Variants in KLHDC2 observed in about 807,000 individuals in gnomAD.
KLHDC2 encodes the protein kelch domain-containing protein 2.
In KLHDC2, 38 loss-of-function variants were observed where a neutral mutation model predicts 62.3. The observed-to-expected ratio is 0.61, with a 90% CI of 0.47 to 0.80. The LOEUF (loss-of-function observed/expected upper bound fraction) is 0.80. Ranked by LOEUF, KLHDC2 falls within the 30% of genes least tolerant of loss-of-function variation. The pLI is 0.00. For missense variants in KLHDC2, 430 were observed against 495.3 expected (o/e 0.87, Z 1.25); for synonymous variants, 159 against 161.0 (o/e 0.99, Z 0.09).
chr14:49,776,315 A>G (rs902330839), intron 3 of KLHDC2, among the ~76,000 whole-genome samples: 1 of 152,156 alleles, frequency 6.6e-6, no homozygotes, highest in Non-Finnish European at 1.5e-5. Flanking sequence ...AAACAGTAGT[A>G]GTTTGTCGAG....
At position 49,784,871 on chromosome 14, in the gene KLHDC2, C is replaced by T. The variant is rs1890087092; in HGVS notation, c.*1918C>T. The T allele has an allele frequency of 2.0e-6, 3 of 1,500,242 alleles. No individual in the cohort carries two copies. The highest frequency in any genetic ancestry group is 2.8e-6 in the Non-Finnish European group (3 of 1,084,256). 92.9% of individuals were successfully genotyped at this position (1,500,242 alleles called of 1,614,324 possible). A position where few individuals can be genotyped will look rare whatever the true frequency, so the allele number is the denominator to read the frequency against. On this transcript the variant is annotated 3_prime_UTR_variant, in exon 13 of 13. Transcript: ENST00000298307. Reference sequence around the variant, plus strand: ...TACTAAAATAACAAAAAACTGCTAACATTTTAAATTGTACTGTCAGTCTCC... The same window carrying T: ...TACTAAAATAACAAAAAACTGCTAATATTTTAAATTGTACTGTCAGTCTCC...
intron 10 of KLHDC2, among the ~76,000 whole-genome samples, chr14:49,781,631 A>G (rs1004445497): frequency 6.6e-6 from 1 of 151,900 alleles, no homozygotes; most frequent in Non-Finnish European, 1.5e-5. Context: ...CAGGAGGCAG[A>G]GGATGTAGTG....
At position 49,780,333 on chromosome 14, in the gene KLHDC2, GA is replaced by G. The variant is rs1889864871; in HGVS notation, c.883+16del. 6.9e-7 allele frequency: 1 copy of G among 1,447,548 alleles called. No individual in the cohort carries two copies. Among genetic ancestry groups the G allele is most frequent in the Non-Finnish European group, 9.7e-7 (1 of 1,028,416 alleles). The allele number at this position is 1,447,548 out of a possible 1,614,324, so 89.7% of individuals were successfully genotyped here. ...ATAAACAGCCACTAAGTAAGTCCTT[GA>G]AAAATATGATAATGAAATCATCATA... On this transcript the variant is annotated intron_variant, in intron 9 of 12. Transcript: ENST00000298307.
chr14:49,780,765 GA>G lies in KLHDC2; in HGVS notation c.951del (p.Lys317AsnfsTer16). On this transcript the variant is annotated frameshift_variant, in exon 10 of 13. Transcript: ENST00000298307. LOFTEE classifies it high-confidence loss of function. ...EWIQFNHPYTEKPRLWHTACA... is the reference protein window; with the variant it reads ...EWIQFNHPYTXKPRLWHTACA... ...GATACAATTTAATCATCCATATACC[GA>G]AAAACCAAGGTATTTAAAAGCAATT... is the stretch of plus-strand genomic sequence containing the variant. 1 of 1,582,452 alleles carries G rather than the reference GA, an allele frequency of 6.3e-7. No individual in the cohort carries two copies.
rs1890061821 is a variant in KLHDC2, at chr14:49,784,448, T to C, written c.*1495T>C. On this transcript the variant is annotated 3_prime_UTR_variant, in exon 13 of 13. Coordinates refer to ENST00000298307, the MANE Select transcript of KLHDC2 (RefSeq NM_014315.3). The stretch of plus-strand genomic sequence containing the variant: ...TCCACAAATACTTTTGGAAATCCTA[T>C]CATAGACAGTGTTTCCTCTATATAA... 1 of 524,434 alleles carries C rather than the reference T, an allele frequency of 1.9e-6. No individual in the cohort carries two copies. The highest frequency in any genetic ancestry group is 3.4e-6 in the Non-Finnish European group (1 of 296,596). 32.5% of individuals were successfully genotyped at this position (524,434 alleles called of 1,614,324 possible).
chr14:49,782,024 C>G, intron 10 of KLHDC2: 1 of 218,564 alleles, frequency 4.6e-6, no homozygotes, highest in Non-Finnish European at 8.9e-6. Flanking sequence ...ATCCCTCAGA[C>G]GTTCTGTGTA....
At chr14:49,771,716 G>C (rs1231232216) in intron 2 of KLHDC2, 43 bp downstream of exon 2, 2 of 1,018,386 alleles carry the variant, frequency 2.0e-6, no homozygotes, top group Admixed American at 3.5e-5. Context: ...ATTCAGATAA[G>C]GGCTGGGCAC....
At position 49,784,762 on chromosome 14, in the gene KLHDC2, A is replaced by C. The variant is rs774939999; in HGVS notation, c.*1809A>C. 6.6e-7 allele frequency: 1 copy of C among 1,524,088 alleles called. No individual in the cohort carries two copies. The highest frequency in any genetic ancestry group is 1.2e-5 in the South Asian group (1 of 85,536). 94.4% of individuals were successfully genotyped at this position (1,524,088 alleles called of 1,614,324 possible). ...ATCTTCACATCCTGTATGGTCAATC[A>C]TGTTTCTTTTATGACAAAAACGAAA... On this transcript the variant is annotated 3_prime_UTR_variant, in exon 13 of 13. Transcript: ENST00000298307.
intron 1 of KLHDC2, among the ~76,000 whole-genome samples, chr14:49,771,385 A>G (rs769275628): frequency 6.6e-6 from 1 of 151,824 alleles, no homozygotes; most frequent in Admixed American, 6.6e-5. Flanking sequence ...TTCTTGTCCT[A>G]TTGCAACTGC....
intron 5 of KLHDC2, 30 bp downstream of exon 5, chr14:49,778,289 C>A: frequency 1.4e-6 from 2 of 1,438,248 alleles, no homozygotes; most frequent in African/African-American, 1.4e-5. Context: ...TGCATATGGC[C>A]TCCTTAGTAT....
intron 10 of KLHDC2, 49 bp from the exon 11 acceptor site, chr14:49,782,321 C>T: frequency 7.9e-7 from 1 of 1,270,014 alleles, no homozygotes; most frequent in African/African-American, 1.5e-5. Flanking sequence ...TATAAAATGG[C>T]CAACTGGTGT....
chr14:49,778,161 G>C lies in KLHDC2; in HGVS notation c.468-17G>C, dbSNP rs1016131950. 1 of 1,537,542 alleles carries C rather than the reference G, an allele frequency of 6.5e-7. No homozygotes were observed. The highest frequency in any genetic ancestry group is 1.2e-5 in the South Asian group (1 of 86,394). Reference sequence around the variant, plus strand: ...TGGGTATTTGAATTTTTAGTGTCTTGGTTTTTCATCCAACAGGTTAATATT... The same window carrying C: ...TGGGTATTTGAATTTTTAGTGTCTTCGTTTTTCATCCAACAGGTTAATATT... On this transcript the variant is annotated splice_polypyrimidine_tract_variant and intron_variant, in intron 4 of 12. Coordinates refer to ENST00000298307, the MANE Select transcript of KLHDC2 (RefSeq NM_014315.3).
At position 49,785,161 on chromosome 14, in the gene KLHDC2, C is replaced by T. The variant is rs1000419891; in HGVS notation, c.*2208C>T. 1 of 1,600,430 alleles carries T rather than the reference C, an allele frequency of 6.2e-7. No homozygotes were observed. The highest frequency in any genetic ancestry group is 8.6e-7 in the Non-Finnish European group (1 of 1,167,748). On this transcript the variant is annotated 3_prime_UTR_variant, in exon 13 of 13. Coordinates refer to ENST00000298307, the MANE Select transcript of KLHDC2 (RefSeq NM_014315.3). ...CTTTAAAAAGGAATTACATGTGTTA[C>T]TAAATAGACGTTACAAAACAATTCA...
rs1292416955 is a variant in KLHDC2 at position 49,768,740 on chromosome 14, C to T, written c.153+119C>T. On this transcript the variant is annotated intron_variant, in intron 1 of 12. Transcript: ENST00000298307. ...GGCGCTCCCCGCCTGCGTCGCGCGC[C>T]CCACCTCAGACTCTGCCCGTTGGTT... 3 of 950,784 alleles carry T rather than the reference C, an allele frequency of 3.2e-6. No individual in the cohort carries two copies. The East Asian group carries it at 9.3e-5, about 29-fold the overall frequency. The allele number at this position is 950,784 out of a possible 1,614,324, so 58.9% of individuals were successfully genotyped here. A position where few individuals can be genotyped will look rare whatever the true frequency, so the allele number is the denominator to read the frequency against.
Position 49,782,411 on chromosome 14 carries a change from T to C in KLHDC2, c.998T>C (p.Ile333Thr), listed in dbSNP as rs1037785996. The C allele has an allele frequency of 2.5e-6, 4 of 1,612,490 alleles. No homozygotes were observed. The African/African-American group carries it at 4.0e-5, about 16-fold the overall frequency. Reference sequence around the variant, plus strand: ...TGTGCCAGCGATGAAGGAGAAGTAATTGTTTTTGGTGGATGTGCCAACAAC... The same window carrying C: ...TGTGCCAGCGATGAAGGAGAAGTAACTGTTTTTGGTGGATGTGCCAACAAC... ...TACASDEGEV[I>T]VFGGCANNLL... is the part of the protein sequence containing the mutation. The change falls in exon 11 of 13, where the codon ATT (isoleucine) becomes ACT (threonine). Residue 333 changes from isoleucine (I) to threonine (T), a missense_variant. By Grantham distance (89) the Ile-to-Thr change is moderately conservative (BLOSUM62 -1). Coordinates refer to ENST00000298307, the MANE Select transcript of KLHDC2 (RefSeq NM_014315.3).
intron 3 of KLHDC2, 26 bp from the exon 4 acceptor site, chr14:49,777,813 C>CTT: frequency 3.2e-6 from 4 of 1,254,558 alleles, no homozygotes; most frequent in Non-Finnish European, 4.5e-6. Context: ...AAAACCAACT[C>CTT]TAACTGAAAT....
At chr14:49,775,961 G>A (rs1889764322) in intron 3 of KLHDC2, among the ~76,000 whole-genome samples, 1 of 152,082 alleles carries the variant, frequency 6.6e-6, no homozygotes, top group African/African-American at 2.4e-5. Flanking sequence ...CCAAGTGGAT[G>A]GAATATGTGG....
intron 1 of KLHDC2, among the ~76,000 whole-genome samples, chr14:49,769,951 T>G (rs181740023): frequency 8.6e-6 from 1 of 116,610 alleles, no homozygotes; most frequent in Non-Finnish European, 1.6e-5. Flanking sequence ...AAAAATACTT[T>G]AGAAAGGGGT....
intron 1 of KLHDC2, among the ~76,000 whole-genome samples, chr14:49,770,999 C>T (rs1889652049): frequency 6.6e-6 from 1 of 152,182 alleles, no homozygotes; most frequent in Admixed American, 6.5e-5. Context: ...TGAAGTCATG[C>T]AGCTGAAATT....
Sources: gnomAD v4.1 joint callset for allele counts (sites outside exome capture counted in the v4.1 genomes callset) on GRCh38, gnomAD v4.1.1 for gene constraint, MANE v1.5 for transcripts, NCBI Gene and HGNC (gene_info 2026-07-23, HGNC 2026-07-21) for gene names.